Variants in OCA2 observed in about 807,000 individuals in gnomAD.
OCA2 encodes OCA2 melanosomal transmembrane protein, also known as P protein.
A neutral mutation model predicts 100.2 loss-of-function variants in OCA2; 77 were observed. That is an observed-to-expected ratio of 0.77 (90% CI 0.64 to 0.93). The LOEUF (loss-of-function observed/expected upper bound fraction) is 0.93, where lower values mean the gene tolerates loss of function less well. Ranked by LOEUF, OCA2 falls within the 40% of genes least tolerant of loss-of-function variation. The pLI is 0.00. For synonymous variants in OCA2, 432 were observed against 439.2 expected (o/e 0.98, Z 0.21); for missense variants, 1,062 against 1,089.1 (o/e 0.98, Z 0.35).
At chr15:28,054,018 G>A (rs1272117648) in intron 2 of OCA2, among the ~76,000 whole-genome samples, 2 of 152,182 alleles carry the variant, frequency 1.3e-5, no homozygotes, top group Non-Finnish European at 2.9e-5. Context: ...GTTTGTAAAT[G>A]TGTATATATG....
At chr15:28,046,872 C>T (rs890912361) in intron 2 of OCA2, among the ~76,000 whole-genome samples, 6 of 152,190 alleles carry the variant, frequency 3.9e-5, no homozygotes, top group East Asian at 1.9e-4. Context: ...TACTTCAAAT[C>T]GACATGCCTA....
At chr15:28,078,843 T>C (rs1348849287) in intron 2 of OCA2, among the ~76,000 whole-genome samples, 3 of 152,222 alleles carry the variant, frequency 2.0e-5, no homozygotes, top group African/African-American at 7.2e-5. Context: ...CTTCCAGCTT[T>C]CTTTATATGT....
At chr15:28,024,960 C>CA in intron 4 of OCA2, 58 bp from the exon 5 acceptor site, 1 of 1,535,720 alleles carries the variant, frequency 6.5e-7, no homozygotes, top group South Asian at 1.1e-5. Context: ...TGCCCAGACT[C>CA]AGACACTTTT....
chr15:27,928,056 C>T lies in OCA2; in HGVS notation c.1952-1802G>A, dbSNP rs193006512. ...ATCCACCCACCTTGACTTCCCAAAGCGCTGGAATTACAGGCATGAGCCACC... is the reference window on the plus strand; with the variant it reads ...ATCCACCCACCTTGACTTCCCAAAGTGCTGGAATTACAGGCATGAGCCACC... On this transcript the variant is annotated intron_variant, in intron 18 of 23. Transcript: ENST00000354638. Among the ~76,000 whole-genome samples, 566 of 151,952 alleles carry T rather than the reference C, an allele frequency of 3.7e-3. 4 individuals carry two copies. The highest frequency in any genetic ancestry group is 0.013 in the African/African-American group (529 of 41,452).
At chr15:27,740,083 T>C in the OCA2 span, among the ~76,000 whole-genome samples, 7 of 152,328 alleles carry the variant, frequency 4.6e-5, no homozygotes, top group African/African-American at 1.7e-4. Context: ...TTTCCTGTCT[T>C]GAGAAACTGT....
At chr15:27,805,853 G>A (rs1214125346) in intron 23 of OCA2, among the ~76,000 whole-genome samples, 1 of 152,098 alleles carries the variant, frequency 6.6e-6, no homozygotes, top group Non-Finnish European at 1.5e-5. Context: ...ACCCTCACAC[G>A]CCCGGGGCGT....
In OCA2 at chr15:27,961,201, C is replaced by A. The variant is rs542484575; in HGVS notation, c.1637-3466G>T. 2.6e-5 allele frequency among the ~76,000 whole-genome samples: 4 copies of A among 152,286 alleles called. No homozygotes were observed. The South Asian group carries it at 8.3e-4, about 32-fold the overall frequency. On this transcript the variant is annotated intron_variant, in intron 15 of 23. Coordinates refer to ENST00000354638, the MANE Select transcript of OCA2 (RefSeq NM_000275.3). The stretch of plus-strand genomic sequence containing the variant: ...CGACCAACAAACATATGAAAAAAAG[C>A]TCATTACCACTGGTCATTAGAGAAA...
the OCA2 span, among the ~76,000 whole-genome samples, chr15:27,742,061 G>C: frequency 6.6e-6 from 1 of 152,224 alleles, no homozygotes; most frequent in African/African-American, 2.4e-5. Context: ...AGACGTATCT[G>C]AACTGTGGCA....
rs2035581643 is a variant in OCA2 at position 27,847,509 on chromosome 15, T to C, written c.2339-2457A>G. On this transcript the variant is annotated intron_variant, in intron 22 of 23. Coordinates refer to ENST00000354638, the MANE Select transcript of OCA2 (RefSeq NM_000275.3). The stretch of plus-strand genomic sequence containing the variant: ...AGCAAAATGAGACAAGCAAGGCTGA[T>C]ACCAAAGCAGAGAGGAGGCCCTGGA... 2.0e-5 allele frequency among the ~76,000 whole-genome samples: 3 copies of C among 152,056 alleles called. No individual in the cohort carries two copies. The South Asian group carries it at 6.2e-4, about 32-fold the overall frequency.
At position 27,985,348 on chromosome 15, in the gene OCA2, A is replaced by C. The variant is rs36032918; in HGVS notation, c.1240-160T>G. 2.8e-3 allele frequency among the ~76,000 whole-genome samples: 425 copies of C among 152,292 alleles called. 1 individual carries two copies. Among genetic ancestry groups the C allele is most frequent in the Non-Finnish European group, 3.6e-3 (242 of 68,020 alleles). On this transcript the variant is annotated intron_variant, in intron 12 of 23. Transcript: ENST00000354638. ...AGTCCTAGGGGGGCCGAGATGAGAC[A>C]GTGCTGGCCATCGAAGTTCCTAGAC...
At chr15:27,829,620 G>C (rs1020230881) in intron 23 of OCA2, among the ~76,000 whole-genome samples, 3 of 152,222 alleles carry the variant, frequency 2.0e-5, no homozygotes, top group Non-Finnish European at 4.4e-5. Flanking sequence ...GGAGGTGTGA[G>C]CTGTGGCTGT....
chr15:27,883,639 C>G (rs1211566644), intron 19 of OCA2, among the ~76,000 whole-genome samples: 2 of 152,162 alleles, frequency 1.3e-5, no homozygotes, highest in Non-Finnish European at 2.9e-5. Flanking sequence ...GGGCTGCCTG[C>G]CTTCAGCCGG....
chr15:27,951,976 C>T (rs1430697141), intron 17 of OCA2, 84 bp from the exon 18 acceptor site: 86 of 927,524 alleles, frequency 9.3e-5, no homozygotes, highest in Middle Eastern at 2.1e-4. Flanking sequence ...ACTGGAATCA[C>T]GACAGATTTC....
At chr15:27,907,644 A>G (rs2140233803) in intron 19 of OCA2, among the ~76,000 whole-genome samples, 1 of 152,308 alleles carries the variant, frequency 6.6e-6, no homozygotes, top group East Asian at 1.9e-4. Context: ...GAAAAAGCAC[A>G]AATATTCAAA....
At chr15:28,048,166 CTT>C (rs1471708067) in intron 2 of OCA2, among the ~76,000 whole-genome samples, 2 of 152,144 alleles carry the variant, frequency 1.3e-5, no homozygotes, top group Admixed American at 6.5e-5. Context: ...GATAAGAAGA[CTT>C]AATGTCATTA....
intron 23 of OCA2, among the ~76,000 whole-genome samples, chr15:27,787,556 T>C (rs1435867211): frequency 5.9e-5 from 9 of 152,006 alleles, no homozygotes; most frequent in Admixed American, 5.9e-4. Flanking sequence ...CGTTCTTTTA[T>C]AATACTTATA....
Position 28,003,441 on chromosome 15 carries a change from G to A in OCA2, c.1044+11335C>T, listed in dbSNP as rs1210648486. Among the ~76,000 whole-genome samples the A allele has an allele frequency of 2.0e-5, 3 of 152,272 alleles. No homozygotes were observed. In the East Asian group the frequency reaches 5.8e-4, roughly 30 times the overall value. On this transcript the variant is annotated intron_variant, in intron 9 of 23. Coordinates refer to ENST00000354638, the MANE Select transcript of OCA2 (RefSeq NM_000275.3). ...GAAGCTGGCGGTCCCCACCCAGGAC[G>A]CCCGTCCGTGCCCCACGCGCGCTGC...
At chr15:27,831,617 C>A (rs1355419635) in intron 23 of OCA2, among the ~76,000 whole-genome samples, 1 of 152,192 alleles carries the variant, frequency 6.6e-6, no homozygotes, top group East Asian at 1.9e-4. Flanking sequence ...GAGTGGGCAC[C>A]CAGCTCAGAC....
intron 23 of OCA2, among the ~76,000 whole-genome samples, chr15:27,809,461 C>A (rs768787033): frequency 6.6e-6 from 1 of 152,160 alleles, no homozygotes; most frequent in Non-Finnish European, 1.5e-5. Context: ...AGAACTGGAG[C>A]AAGACAAGGA....
Sources: allele counts gnomAD v4.1 joint callset (sites outside exome capture counted in the v4.1 genomes callset), GRCh38; gene constraint gnomAD v4.1.1; transcripts MANE v1.5; gene names NCBI Gene and HGNC (gene_info 2026-07-23, HGNC 2026-07-21).